Variants in ARHGAP20 observed in about 807,000 individuals in gnomAD.
The protein encoded by ARHGAP20 is Rho GTPase activating protein 20, also known as rho GTPase-activating protein 20.
A neutral mutation model predicts 73.7 loss-of-function variants in ARHGAP20; 34 were observed. The ratio of observed to expected loss-of-function variants is 0.46; its 90% CI spans 0.35 to 0.61. The LOEUF is 0.61. Ranked by LOEUF, ARHGAP20 falls within the 20% of genes least tolerant of loss-of-function variation. ARHGAP20 has a pLI of 0.00. For missense variants in ARHGAP20, 1,314 were observed against 1,420.9 expected, an observed-to-expected ratio of 0.92 and a Z score of 1.21; for synonymous variants, 523 against 518.2, an observed-to-expected ratio of 1.01 and a Z score of -0.13.
rs766444539 is a variant in ARHGAP20 at position 110,712,137 on chromosome 11, C to T, written c.95G>A (p.Cys32Tyr). 6.6e-6 allele frequency: 9 copies of T among 1,356,304 alleles called. No individual in the cohort carries two copies. In the East Asian group the frequency reaches 1.7e-4, roughly 26 times the overall value. 84.0% of individuals were successfully genotyped at this position (1,356,304 alleles called of 1,614,324 possible). The change falls in exon 1 of 15, where the codon TGC becomes TAC. Residue 32 changes from cysteine (C) to tyrosine (Y), a missense_variant. By Grantham distance (194) the Cys-to-Tyr change is radical (BLOSUM62 -2). This residue lies in a region of ARHGAP20 where 443 missense variants were observed against 466.4 expected (regional missense o/e 0.95). Transcript: ENST00000683387. Reference protein sequence around the residue: ...TGVSRLAGGSCTKKKMKTLAE... With the variant: ...TGVSRLAGGSYTKKKMKTLAE... ...GCTCAGCGTCCTCACCTTCTTGGTG[C>T]AGCTGCCTCCCGCGAGCCGAGACAC...
At chr11:110,624,637 T>TC (rs398017566) in intron 3 of ARHGAP20, among the ~76,000 whole-genome samples, 2 of 151,950 alleles carry the variant, frequency 1.3e-5, no homozygotes, top group African/African-American at 4.8e-5. Flanking sequence ...TTTTTTTTTT[T>TC]AGAAGAAAAA....
At position 110,580,702 on chromosome 11, in the gene ARHGAP20, G is replaced by C; in HGVS notation, c.2244C>G (p.Pro748=). 6.2e-7 allele frequency: 1 copy of C among 1,613,866 alleles called. No individual in the cohort carries two copies. Among genetic ancestry groups the C allele is most frequent in the Non-Finnish European group, 8.5e-7 (1 of 1,179,826 alleles). ...AACATGTCTTTCCTTCCTCCTGGAG[G>C]GGTTGATTCTGCTTCAGATAGTCTT... ...KDEDYLKQNQ[P]LQEEGKTCFK... is the part of the protein sequence containing the mutation. The change falls in exon 15 of 15, where the codon CCC becomes CCG. Residue 748 remains proline, a synonymous_variant. Transcript: ENST00000683387.
chr11:110,670,347 GA>G (rs1405286399), intron 2 of ARHGAP20, among the ~76,000 whole-genome samples: 1 of 151,804 alleles, frequency 6.6e-6, no homozygotes, highest in African/African-American at 2.4e-5. Context: ...GATCTAGGGG[GA>G]AAAAAGAGAA....
chr11:110,651,388 A>G (rs1949348358), intron 2 of ARHGAP20, among the ~76,000 whole-genome samples: 1 of 152,162 alleles, frequency 6.6e-6, no homozygotes, highest in Admixed American at 6.6e-5. Context: ...GTGGAACTGA[A>G]GAAGGTAGAG....
At position 110,678,293 on chromosome 11, in the gene ARHGAP20, G is replaced by A. The variant is rs140511809; in HGVS notation, c.188+12254C>T. Among the ~76,000 whole-genome samples the A allele has an allele frequency of 1.8e-4, 27 of 152,266 alleles. 1 individual carries two copies. Among genetic ancestry groups the A allele is most frequent in the Admixed American group, 1.7e-3 (26 of 15,294 alleles). On this transcript the variant is annotated intron_variant, in intron 2 of 14. Transcript: ENST00000683387. ...GGATGAAAATGAAGATTTTGGTGAT[G>A]GCTTCACATCCCTGTGGATATAGTA...
intron 2 of ARHGAP20, among the ~76,000 whole-genome samples, chr11:110,687,676 C>G (rs1950163133): frequency 6.6e-6 from 1 of 151,928 alleles, no homozygotes; most frequent in Non-Finnish European, 1.5e-5. Context: ...CTTTTTATAT[C>G]CTGAAATGAA....
intron 2 of ARHGAP20, among the ~76,000 whole-genome samples, chr11:110,668,411 G>A (rs1360936477): frequency 6.6e-6 from 1 of 152,136 alleles, no homozygotes; most frequent in Admixed American, 6.5e-5. Flanking sequence ...GCACTTTGGG[G>A]GCTGAGCTGG....
At chr11:110,649,502 G>T (rs1949302902) in intron 2 of ARHGAP20, among the ~76,000 whole-genome samples, 1 of 152,064 alleles carries the variant, frequency 6.6e-6, no homozygotes, top group African/African-American at 2.4e-5. Flanking sequence ...TCATAGAAAA[G>T]AAGTATATTA....
chr11:110,608,921 G>A (rs182975687), intron 8 of ARHGAP20, 63 bp downstream of exon 8: 1 of 1,393,290 alleles, frequency 7.2e-7, no homozygotes, highest in Non-Finnish European at 1.0e-6. Flanking sequence ...CCAATTCTCG[G>A]AGACACTTAG....
At chr11:110,583,225 G>C (rs1441513976) in intron 13 of ARHGAP20, among the ~76,000 whole-genome samples, 1 of 152,212 alleles carries the variant, frequency 6.6e-6, no homozygotes, top group Non-Finnish European at 1.5e-5. Flanking sequence ...CATCTGGCAA[G>C]GGGTGGAGCT....
intron 3 of ARHGAP20, among the ~76,000 whole-genome samples, chr11:110,625,252 T>C (rs1223040529): frequency 6.6e-6 from 1 of 151,456 alleles, no homozygotes; most frequent in East Asian, 1.9e-4. Flanking sequence ...TTAGCCAGGA[T>C]GGTCTCGATC....
chr11:110,676,965 A>G (rs1949944768), intron 2 of ARHGAP20, among the ~76,000 whole-genome samples: 1 of 152,196 alleles, frequency 6.6e-6, no homozygotes, highest in African/African-American at 2.4e-5. Context: ...AAAGGATCAC[A>G]GTTGGATTCA....
chr11:110,687,637 T>C (rs1950162418), intron 2 of ARHGAP20, among the ~76,000 whole-genome samples: 1 of 152,216 alleles, frequency 6.6e-6, no homozygotes, highest in African/African-American at 2.4e-5. Flanking sequence ...CTTTGTTATA[T>C]AAAAGTCTAT....
chr11:110,687,930 T>G (rs1950167861), intron 2 of ARHGAP20, among the ~76,000 whole-genome samples: 1 of 152,180 alleles, frequency 6.6e-6, no homozygotes, highest in Non-Finnish European at 1.5e-5. Context: ...CCAGTAATTT[T>G]TAGAAATGGT....
intron 1 of ARHGAP20, among the ~76,000 whole-genome samples, chr11:110,705,002 T>C (rs1022693014): frequency 6.6e-6 from 1 of 152,180 alleles, no homozygotes; most frequent in African/African-American, 2.4e-5. Context: ...AACTTTGATA[T>C]TATATACCTA....
chr11:110,605,139 C>T (rs146394409), intron 9 of ARHGAP20, among the ~76,000 whole-genome samples: 101 of 152,084 alleles, frequency 6.6e-4, no homozygotes, highest in African/African-American at 2.3e-3. Context: ...GGGATGATCA[C>T]GATAACCATG....
intron 2 of ARHGAP20, among the ~76,000 whole-genome samples, chr11:110,672,505 C>T (rs939632532): frequency 3.9e-5 from 6 of 151,950 alleles, no homozygotes; most frequent in African/African-American, 1.2e-4. Flanking sequence ...GAGATGGAGT[C>T]TTGTTCTTGG....
chr11:110,594,802 A>C (rs1370074037), intron 9 of ARHGAP20, among the ~76,000 whole-genome samples: 2 of 150,676 alleles, frequency 1.3e-5, no homozygotes, highest in Non-Finnish European at 2.9e-5. Context: ...GGCCAGCATC[A>C]TCCTGATACC....
intron 9 of ARHGAP20, among the ~76,000 whole-genome samples, chr11:110,598,967 G>A (rs1948042765): frequency 6.6e-6 from 1 of 152,034 alleles, no homozygotes; most frequent in African/African-American, 2.4e-5. Context: ...AGAGCAGGTA[G>A]GAGCCTTGCC....
Sources: gnomAD v4.1 joint callset for allele counts (sites outside exome capture counted in the v4.1 genomes callset) on GRCh38, gnomAD v4.1.1 for gene constraint, gnomAD v4.1.1 regional missense constraint, MANE v1.5 for transcripts, NCBI Gene and HGNC (gene_info 2026-07-23, HGNC 2026-07-21) for gene names.